Variants in HAS3 observed in about 807,000 individuals in gnomAD.
HAS3 encodes the protein HA synthase 3.
HAS3 carries 27 observed loss-of-function variants against 50.3 expected under a neutral mutation model. The observed-to-expected ratio is 0.54, with a 90% confidence interval of 0.40 to 0.74. The LOEUF is 0.74. Ranked by LOEUF, HAS3 falls within the 30% of genes least tolerant of loss-of-function variation. The pLI is 0.00. For synonymous variants in HAS3, 339 were observed against 310.9 expected, an observed-to-expected ratio of 1.09 and a Z score of -0.95; for missense variants, 517 against 742.8, an observed-to-expected ratio of 0.70 and a Z score of 3.53.
Position 69,116,837 on chromosome 16 carries a change from CCT to C in HAS3, c.*1572_*1573del. On this transcript the variant is annotated 3_prime_UTR_variant, in exon 4 of 4. Transcript: ENST00000569188. ...GGTTGCTTGCTTGCCCTCCAAATGT[CCT>C]TTCTCAGAGGGGCCAGCTAACCCGT... 1.0e-6 allele frequency: 1 copy of C among 985,410 alleles called. No homozygotes were observed. The highest frequency in any genetic ancestry group is 1.2e-6 in the Non-Finnish European group (1 of 829,924). The allele number at this position is 985,410 out of a possible 1,614,324, so 61.0% of individuals were successfully genotyped here. A position where few individuals can be genotyped will look rare whatever the true frequency, so the allele number is the denominator to read the frequency against.
Position 69,109,293 on chromosome 16 carries a change from G to C in HAS3, c.1-103G>C, listed in dbSNP as rs1960912677. On this transcript the variant is annotated intron_variant, in intron 1 of 3. Transcript: ENST00000569188. This position sits in a 1 kb window ranked among gnomAD's most constrained non-coding sequence, Gnocchi z 5.3. ...ATGCTCAGTAAGCGGTAACGGTTTT[G>C]ATCAGTGGGTCATGTCCACTAGTAA... 8.3e-7 allele frequency: 1 copy of C among 1,199,334 alleles called. No individual in the cohort carries two copies. The highest frequency in any genetic ancestry group is 1.2e-6 in the Non-Finnish European group (1 of 862,682). The allele number at this position is 1,199,334 out of a possible 1,614,324, so 74.3% of individuals were successfully genotyped here. A position where few individuals can be genotyped will look rare whatever the true frequency, so the allele number is the denominator to read the frequency against.
Position 69,109,507 on chromosome 16 carries a change from A to G in HAS3, c.112A>G (p.Thr38Ala). 1 of 1,614,042 alleles carries G rather than the reference A, an allele frequency of 6.2e-7. No homozygotes were observed. Among genetic ancestry groups the G allele is most frequent in the Non-Finnish European group, 8.5e-7 (1 of 1,180,028 alleles). The change falls in exon 2 of 4, where the codon ACG becomes GCG. Residue 38 changes from threonine to alanine, a missense_variant. Coordinates refer to ENST00000569188, the MANE Select transcript of HAS3 (RefSeq NM_001199280.2). The surrounding 1 kb of genome is among the most constrained non-coding windows in gnomAD (Gnocchi z 5.3). ...AYVTGYQFIHTEKHYLSFGLY... is the reference protein window; with the variant it reads ...AYVTGYQFIHAEKHYLSFGLY... The stretch of plus-strand genomic sequence containing the variant: ...TGTGACGGGCTACCAGTTCATCCAC[A>G]CGGAAAAGCACTACCTGTCCTTCGG...
At chr16:69,100,443 T>C in the HAS3 span, among the ~76,000 whole-genome samples, 1 of 152,184 alleles carries the variant, frequency 6.6e-6, no homozygotes, top group Non-Finnish European at 1.5e-5. Flanking sequence ...GGGATGAAAC[T>C]TGGAGGGTTG....
rs1043694989 is a variant in HAS3, at chr16:69,107,665, G to T, written c.1-1731G>T. The stretch of plus-strand genomic sequence containing the variant: ...CTTCCCCTACCCAGAGCGCAGGCAG[G>T]CAGGGGGGTCCCGCCGCGCCCCTTC... On this transcript the variant is annotated intron_variant, in intron 1 of 3. Transcript: ENST00000569188. This position sits in a 1 kb window ranked among gnomAD's most constrained non-coding sequence, Gnocchi z 5.5. The T allele has an allele frequency of 7.1e-6, 7 of 985,526 alleles. No individual in the cohort carries two copies. The Admixed American group carries it at 2.5e-4, about 35-fold the overall frequency. 61.0% of individuals were successfully genotyped at this position (985,526 alleles called of 1,614,324 possible).
intron 2 of HAS3, among the ~76,000 whole-genome samples, chr16:69,113,083 G>A (rs1961063048): frequency 1.3e-5 from 2 of 152,116 alleles, no homozygotes; most frequent in Admixed American, 1.3e-4. Flanking sequence ...GTTAGTCCTG[G>A]GCTACCCTAC....
intron 2 of HAS3, among the ~76,000 whole-genome samples, chr16:69,112,892 C>T (rs757838817): frequency 2.0e-5 from 3 of 152,188 alleles, no homozygotes; most frequent in African/African-American, 4.8e-5. Context: ...CCGAGAGGCT[C>T]GGCCAAGGGA....
At chr16:69,103,091 A>G (rs1323238601), upstream of HAS3, among the ~76,000 whole-genome samples, 1 of 151,904 alleles carries the variant, frequency 6.6e-6, no homozygotes, top group Non-Finnish European at 1.5e-5. Context: ...AGGAGATTTC[A>G]CATACAAAAT....
At chr16:69,108,068 G>C (rs1960867724) in intron 1 of HAS3, among the ~76,000 whole-genome samples, 1 of 152,206 alleles carries the variant, frequency 6.6e-6, no homozygotes, top group Admixed American at 6.5e-5. Context: ...TTGGAAGCGA[G>C]GCATCATTGT....
rs1961158663 is a variant in HAS3, at chr16:69,115,714, G to A, written c.*448G>A. 2 of 989,260 alleles carry A rather than the reference G, an allele frequency of 2.0e-6. No homozygotes were observed. Among genetic ancestry groups the A allele is most frequent in the Non-Finnish European group, 2.4e-6 (2 of 832,788 alleles). 61.3% of individuals were successfully genotyped at this position (989,260 alleles called of 1,614,324 possible). A position where few individuals can be genotyped will look rare whatever the true frequency, so the allele number is the denominator to read the frequency against. On this transcript the variant is annotated 3_prime_UTR_variant, in exon 4 of 4. Transcript: ENST00000569188. ...TCTACTGAGCGAGCTGGGCCGGTTA[G>A]TGTATGTCACCCCCACCCCACCCCT...
chr16:69,093,356 C>T, the HAS3 span, among the ~76,000 whole-genome samples: 2 of 151,756 alleles, frequency 1.3e-5, no homozygotes, highest in Non-Finnish European at 2.9e-5. Context: ...GGATTACAGG[C>T]GCATGCCACC....
the HAS3 span, among the ~76,000 whole-genome samples, chr16:69,098,662 A>ATTTTT: frequency 1.4e-4 from 14 of 98,162 alleles, no homozygotes; most frequent in African/African-American, 4.1e-4. Context: ...ATCAAACCTG[A>ATTTTT]TTTTTTTTTT....
chr16:69,115,508 C>T lies in HAS3; in HGVS notation c.*242C>T. 1 of 1,234,408 alleles carries T rather than the reference C, an allele frequency of 8.1e-7. No homozygotes were observed. Among genetic ancestry groups the T allele is most frequent in the Non-Finnish European group, 1.0e-6 (1 of 988,018 alleles). The allele number at this position is 1,234,408 out of a possible 1,614,324, so 76.5% of individuals were successfully genotyped here. The stretch of plus-strand genomic sequence containing the variant: ...GATTCTGTGTTTTCAGACTGCCTGT[C>T]TGCTTGCATCTGCACATAGGCAGTA... On this transcript the variant is annotated 3_prime_UTR_variant, in exon 4 of 4. Transcript: ENST00000569188.
the HAS3 span, among the ~76,000 whole-genome samples, chr16:69,086,573 A>C: frequency 6.9e-6 from 1 of 145,980 alleles, no homozygotes; most frequent in Non-Finnish European, 1.5e-5. Context: ...TATGAATGAT[A>C]GTCCTTGGGA....
upstream of HAS3, among the ~76,000 whole-genome samples, chr16:69,104,264 TTTTTTTTTTC>T (rs1303365501): frequency 7.7e-6 from 1 of 129,578 alleles, no homozygotes; most frequent in African/African-American, 3.4e-5. Flanking sequence ...CTAATGTTTT[TTTTTTTTTTC>T]TTTTCTTTTC....
At chr16:69,102,507 G>A (rs1257442956), upstream of HAS3, among the ~76,000 whole-genome samples, 1 of 152,194 alleles carries the variant, frequency 6.6e-6, no homozygotes, top group Non-Finnish European at 1.5e-5. Context: ...GGCATAGACT[G>A]CCATAAAGGT....
At chr16:69,101,270 G>A (rs1429491304), upstream of HAS3, among the ~76,000 whole-genome samples, 2 of 152,088 alleles carry the variant, frequency 1.3e-5, no homozygotes, top group Admixed American at 6.6e-5. Context: ...CAGCAGGCCC[G>A]GCTGGAACAG....
the HAS3 span, chr16:69,084,053 T>A: frequency 1.3e-5 from 2 of 157,046 alleles, no homozygotes; most frequent in South Asian, 3.9e-4. Context: ...AGCTCTATAT[T>A]CTTTCAGGCT....
chr16:69,101,646 A>G (rs988184276), upstream of HAS3, among the ~76,000 whole-genome samples: 2 of 152,052 alleles, frequency 1.3e-5, no homozygotes, highest in African/African-American at 2.4e-5. Flanking sequence ...TTCCCTTTCT[A>G]CATAGCAGCT....
intron 2 of HAS3, among the ~76,000 whole-genome samples, chr16:69,110,403 C>CTTA (rs1208795646): frequency 1.3e-5 from 2 of 152,066 alleles, no homozygotes; most frequent in African/African-American, 2.4e-5. Flanking sequence ...CACACCCGGC[C>CTTA]TTATTATTAT....
Sources: gnomAD v4.1 joint callset for allele counts (sites outside exome capture counted in the v4.1 genomes callset) on GRCh38, gnomAD v4.1.1 for gene constraint, Gnocchi (gnomAD v3.1) non-coding constraint, MANE v1.5 for transcripts, NCBI Gene and HGNC (gene_info 2026-07-23, HGNC 2026-07-21) for gene names.